The following CPLANE1 variants were observed in gnomAD, a reference collection of about 807,000 sequenced individuals.
CPLANE1 encodes ciliogenesis and planar polarity effector complex subunit 1, also known as ciliogenesis and planar polarity effector 1.
CPLANE1 carries 263 observed loss-of-function variants against 362.5 expected under a neutral mutation model. The observed-to-expected ratio is 0.73, with a 90% CI of 0.66 to 0.80. The LOEUF (loss-of-function observed/expected upper bound fraction) is 0.80. Among genes scored for constraint, CPLANE1 ranks in the 30% least tolerant of loss-of-function variants. The pLI is 0.00. For missense variants in CPLANE1, 3,461 were observed against 3,793.4 expected (o/e 0.91, Z 2.30); for synonymous variants, 1,212 against 1,302.6 (o/e 0.93, Z 1.50).
At chr5:37,077,538 A>G in the CPLANE1 span, among the ~76,000 whole-genome samples, 1 of 150,556 alleles carries the variant, frequency 6.6e-6, no homozygotes, top group Admixed American at 6.6e-5. Flanking sequence ...CTTGGGTCTT[A>G]AGAGACAGAC....
At chr5:37,198,261 T>C (rs1788126681) in intron 20 of CPLANE1, among the ~76,000 whole-genome samples, 2 of 151,926 alleles carry the variant, frequency 1.3e-5, no homozygotes, top group East Asian at 1.9e-4. Context: ...TCTCAGAAAA[T>C]AGCAAGGGGG....
intron 13 of CPLANE1, 64 bp from the exon 14 acceptor site, chr5:37,224,397 G>C (rs1215295653): frequency 2.9e-6 from 4 of 1,359,910 alleles, no homozygotes; most frequent in Non-Finnish European, 3.0e-6. Flanking sequence ...AATTTACTTT[G>C]TTTTAAAATC....
rs143147192 is a variant in CPLANE1, at chr5:37,169,067, T to A, written c.6957A>T (p.Gln2319His). 6.2e-7 allele frequency: 1 copy of A among 1,614,252 alleles called. No homozygotes were observed. The change falls in exon 34 of 53, where the codon CAA becomes CAT. Residue 2319 changes from glutamine (Q) to histidine (H), a missense_variant. Coordinates refer to ENST00000651892, the MANE Select transcript of CPLANE1 (RefSeq NM_001384732.1). ...TEIPNHVNLDQYVGQENLTPQ... is the reference protein window; with the variant it reads ...TEIPNHVNLDHYVGQENLTPQ... ...GTGTCAAATTTTCTTGTCCAACATA[T>A]TGATCCAAGTTCACATGATTAGGAA...
Position 37,138,797 on chromosome 5 carries a change from A to T in CPLANE1, c.8715T>A (p.Ile2905=), listed in dbSNP as rs962638152. ...QMTGLTDIAD[I]IDDLIIKDGV... is the part of the protein sequence containing the mutation. ...CGTCTTTAATTATAAGGTCATCAAT[A>T]ATGTCTGCAATATCAGTCAATCCAG... The change falls in exon 46 of 53, where the codon ATT becomes ATA. Residue 2905 remains isoleucine, a synonymous_variant. Coordinates refer to ENST00000651892, the MANE Select transcript of CPLANE1 (RefSeq NM_001384732.1). The T allele has an allele frequency of 3.7e-6, 6 of 1,613,040 alleles. No individual in the cohort carries two copies. In the African/African-American group the frequency reaches 8.0e-5, roughly 22 times the overall value.
At chr5:37,212,291 G>A (rs1169343402) in intron 16 of CPLANE1, 1 of 1,126,056 alleles carries the variant, frequency 8.9e-7, no homozygotes, top group South Asian at 1.2e-5. Flanking sequence ...AGATGGTCCA[G>A]GAAGGCTCCC....
rs1561541142 is a variant in CPLANE1 at position 37,187,558 on chromosome 5, C to T, written c.3936G>A (p.Glu1312=). Residue 1312 remains glutamate (E), a synonymous_variant, in exon 23 of 53, where the codon GAG becomes GAA. Coordinates refer to ENST00000651892, the MANE Select transcript of CPLANE1 (RefSeq NM_001384732.1). ...AGTGCTCAATCATACAAGAATCAAA[C>T]TCCACTTCAAGGTCCTAAAAGGATA... ...NVKGEKDLEV[E]FDSCMIEHCL... 1 of 1,607,932 alleles carries T rather than the reference C, an allele frequency of 6.2e-7. No homozygotes were observed. Among genetic ancestry groups the T allele is most frequent in the East Asian group, 2.2e-5 (1 of 44,838 alleles).
At position 37,180,857 on chromosome 5, in the gene CPLANE1, T is replaced by C. The variant is rs1782495920; in HGVS notation, c.5570A>G (p.Asn1857Ser). ...GQNKSCQNIL[N>S]RMPTEAKNPD... ...AAGAAGAGTATAATCGGCAACTTAC[T>C]TCAAGATATTTTGACAAGATTTATT... The change falls in exon 27 of 53, where the codon AAT becomes AGT. Residue 1857 changes from asparagine to serine, a missense_variant and splice_region_variant. This residue lies in a region of CPLANE1 where 3,380 missense variants were observed against 3,666.1 expected (regional missense o/e 0.92). Coordinates refer to ENST00000651892, the MANE Select transcript of CPLANE1 (RefSeq NM_001384732.1). 6.2e-7 allele frequency: 1 copy of C among 1,613,710 alleles called. No individual in the cohort carries two copies. The highest frequency in any genetic ancestry group is 1.7e-5 in the Admixed American group (1 of 59,996).
intron 51 of CPLANE1, among the ~76,000 whole-genome samples, chr5:37,108,947 T>C (rs1758349461): frequency 6.6e-6 from 1 of 152,230 alleles, no homozygotes; most frequent in Non-Finnish European, 1.5e-5. Flanking sequence ...CTCTTTCTTC[T>C]TACTGCATAT....
chr5:37,129,732 A>T (rs1765222312), intron 46 of CPLANE1, among the ~76,000 whole-genome samples: 1 of 152,196 alleles, frequency 6.6e-6, no homozygotes, highest in Non-Finnish European at 1.5e-5. Context: ...TAATCAAAAC[A>T]TCAAAAAATA....
intron 10 of CPLANE1, 27 bp downstream of exon 10, chr5:37,227,541 C>T: frequency 6.6e-7 from 1 of 1,512,070 alleles, no homozygotes; most frequent in African/African-American, 1.4e-5. Context: ...AGGCAACTTT[C>T]CCCAATGATA....
Position 37,107,175 on chromosome 5 carries a change from CTCAGGTGAGACTGAT to C in CPLANE1, c.*412_*426del. The C allele has an allele frequency of 2.0e-6, 2 of 985,722 alleles. No individual in the cohort carries two copies. The highest frequency in any genetic ancestry group is 2.4e-6 in the Non-Finnish European group (2 of 830,056). The allele number at this position is 985,722 out of a possible 1,614,324, so 61.1% of individuals were successfully genotyped here. ...TTAAAATAGGGTTCATAATTGAGTT[CTCAGGTGAGACTGAT>C]TTTCTTCTCAATGAAAAGATTTTTT... is the stretch of plus-strand genomic sequence containing the variant. On this transcript the variant is annotated 3_prime_UTR_variant, in exon 53 of 53. Transcript: ENST00000651892.
intron 15 of CPLANE1, among the ~76,000 whole-genome samples, chr5:37,218,367 T>A (rs1399048664): frequency 6.6e-6 from 1 of 152,178 alleles, no homozygotes; most frequent in East Asian, 1.9e-4. Context: ...ATATCTCACA[T>A]GTTGTCACAA....
the CPLANE1 span, among the ~76,000 whole-genome samples, chr5:37,083,294 G>T: frequency 6.6e-6 from 1 of 152,140 alleles, no homozygotes; most frequent in Non-Finnish European, 1.5e-5. Context: ...TTCAGCCCTA[G>T]ACCTTCCCTC....
chr5:37,241,637 T>G (rs749710790), intron 6 of CPLANE1, among the ~76,000 whole-genome samples: 1 of 152,128 alleles, frequency 6.6e-6, no homozygotes, highest in Non-Finnish European at 1.5e-5. Context: ...ATTTATTTAT[T>G]TATTTTCCAG....
the CPLANE1 span, among the ~76,000 whole-genome samples, chr5:37,083,648 C>T: frequency 2.0e-5 from 3 of 152,106 alleles, no homozygotes; most frequent in African/African-American, 7.2e-5. Flanking sequence ...AAAGTCTCAA[C>T]AATAAAATCG....
chr5:37,220,588 C>G (rs970585519), intron 15 of CPLANE1, among the ~76,000 whole-genome samples: 2 of 151,904 alleles, frequency 1.3e-5, no homozygotes, highest in Non-Finnish European at 2.9e-5. Flanking sequence ...TGCAGTGGCG[C>G]TACCTTGGCT....
chr5:37,211,272 C>G (rs949849465), intron 16 of CPLANE1: 1 of 1,512,834 alleles, frequency 6.6e-7, no homozygotes, highest in African/African-American at 1.4e-5. Flanking sequence ...AAGGGTCAAA[C>G]AGCTTCAGCA....
At chr5:37,247,489 C>T in intron 2 of CPLANE1, 129 bp downstream of exon 2, 1 of 716,906 alleles carries the variant, frequency 1.4e-6, no homozygotes, top group Non-Finnish European at 2.1e-6. Context: ...GGTAGGTGAT[C>T]CTCCTGTAGA....
the CPLANE1 span, among the ~76,000 whole-genome samples, chr5:37,098,809 G>C: frequency 6.7e-6 from 1 of 148,436 alleles, no homozygotes; most frequent in Non-Finnish European, 1.5e-5. Context: ...AAATTAAGAA[G>C]GAAATTAAGA....
Sources: allele counts gnomAD v4.1 joint callset (sites outside exome capture counted in the v4.1 genomes callset), GRCh38; gene constraint gnomAD v4.1.1; regional missense constraint gnomAD v4.1.1; transcripts MANE v1.5; gene names NCBI Gene and HGNC (gene_info 2026-07-23, HGNC 2026-07-21).